BLTP1: variants seen among roughly 807,000 people sequenced by gnomAD.
BLTP1 encodes bridge-like lipid transfer protein family member 1.
the BLTP1 span, among the ~76,000 whole-genome samples, chr4:122,297,638 C>T: frequency 6.6e-6 from 1 of 152,128 alleles, no homozygotes; most frequent in Non-Finnish European, 1.5e-5. Context: ...TTCACAATAG[C>T]AAAGACATGG....
chr4:122,258,660 G>A, the BLTP1 span: 3 of 1,574,160 alleles, frequency 1.9e-6, no homozygotes, highest in African/African-American at 1.4e-5. Context: ...ATGAAAATGT[G>A]TGATAATCTA....
the BLTP1 span, chr4:122,204,704 A>G: frequency 3.7e-6 from 2 of 535,338 alleles, no homozygotes; most frequent in Non-Finnish European, 2.4e-6. Context: ...TGAATGATGA[A>G]TATATTGTAG....
At chr4:122,323,283 T>C in the BLTP1 span, among the ~76,000 whole-genome samples, 1 of 152,148 alleles carries the variant, frequency 6.6e-6, no homozygotes, top group East Asian at 1.9e-4. Context: ...AGAACAGCTG[T>C]TGATTCTTAA....
chr4:122,276,390 A>T, the BLTP1 span: 1 of 907,082 alleles, frequency 1.1e-6, no homozygotes, highest in Non-Finnish European at 1.3e-6. Flanking sequence ...TAATTGTAGA[A>T]ATAATTATTA....
chr4:122,214,081 A>G, the BLTP1 span: 1 of 381,382 alleles, frequency 2.6e-6, no homozygotes, highest in Non-Finnish European at 3.6e-6. Context: ...TCAAAAAAGT[A>G]TAATTTTGGA....
At chr4:122,315,689 G>A in the BLTP1 span, 2 of 1,613,276 alleles carry the variant, frequency 1.2e-6, no homozygotes, top group Non-Finnish European at 1.7e-6. Flanking sequence ...TATCCATACT[G>A]TAAGTAAACT....
chr4:122,238,284 T>C, the BLTP1 span: 1 of 1,614,136 alleles, frequency 6.2e-7, no homozygotes, highest in South Asian at 1.1e-5. Flanking sequence ...CCTTCATCTG[T>C]TGCTGATGAC....
the BLTP1 span, chr4:122,356,006 A>G: frequency 1.3e-6 from 2 of 1,552,116 alleles, no homozygotes; most frequent in Non-Finnish European, 1.8e-6. Flanking sequence ...TAGAAAAACA[A>G]TTTAAAGTTA....
At chr4:122,353,888 C>G in the BLTP1 span, 4 of 1,613,826 alleles carry the variant, frequency 2.5e-6, no homozygotes, top group Non-Finnish European at 3.4e-6. This position sits in a 1 kb window ranked among gnomAD's most constrained non-coding sequence, Gnocchi z 4.3. Context: ...GGTTACCAAA[C>G]CATGTGGTGC....
chr4:122,346,830 G>C, the BLTP1 span: 89 of 1,556,830 alleles, frequency 5.7e-5, no homozygotes, highest in Non-Finnish European at 7.1e-5. Flanking sequence ...ACACAAACGT[G>C]ATCTTACTTG....
chr4:122,241,774 G>T, the BLTP1 span, among the ~76,000 whole-genome samples: 1 of 152,146 alleles, frequency 6.6e-6, no homozygotes, highest in African/African-American at 2.4e-5. Context: ...AAATATGTTG[G>T]TATATGAATT....
At chr4:122,269,427 G>A in the BLTP1 span, 43 of 985,090 alleles carry the variant, frequency 4.4e-5, no homozygotes, top group South Asian at 2.3e-4. Flanking sequence ...ACTTCATTGC[G>A]TTTGGTCTAG....
At chr4:122,164,745 C>T in the BLTP1 span, among the ~76,000 whole-genome samples, 1 of 151,338 alleles carries the variant, frequency 6.6e-6, no homozygotes, top group African/African-American at 2.4e-5. Context: ...TAATCCATTA[C>T]TATCATTTAT....
chr4:122,189,705 A>C, the BLTP1 span: 1 of 908,444 alleles, frequency 1.1e-6, no homozygotes, highest in Non-Finnish European at 1.3e-6. Flanking sequence ...GAAAAATATA[A>C]AACTAAATTT....
the BLTP1 span, chr4:122,264,084 A>T: frequency 2.1e-5 from 19 of 919,838 alleles, no homozygotes; most frequent in African/African-American, 3.0e-4. Flanking sequence ...CTAATAAATC[A>T]TGTCTGTAAA....
At chr4:122,327,875 TA>T in the BLTP1 span, 1 of 240,636 alleles carries the variant, frequency 4.2e-6, no homozygotes. Context: ...TTATATTAAG[TA>T]AAATTTCATT....
At chr4:122,231,722 A>G in the BLTP1 span, 3 of 975,674 alleles carry the variant, frequency 3.1e-6, no homozygotes, top group Non-Finnish European at 3.7e-6. Flanking sequence ...TGGATTTTAT[A>G]TGGGGTGCAT....
At chr4:122,328,058 T>A in the BLTP1 span, 1 of 1,369,386 alleles carries the variant, frequency 7.3e-7, no homozygotes, top group Admixed American at 2.6e-5. Context: ...TTTCTTTTTT[T>A]AATTGAAATA....
At chr4:122,227,252 G>A in the BLTP1 span, 1 of 988,004 alleles carries the variant, frequency 1.0e-6, no homozygotes, top group Non-Finnish European at 1.2e-6. Flanking sequence ...AGCAAGGTTG[G>A]TCATTTGCCA....
Sources: gnomAD v4.1 joint callset for allele counts (sites outside exome capture counted in the v4.1 genomes callset) on GRCh38, gnomAD v4.1.1 for gene constraint, Gnocchi (gnomAD v3.1) non-coding constraint, MANE v1.5 for transcripts, NCBI Gene and HGNC (gene_info 2026-07-23, HGNC 2026-07-21) for gene names.